Variants in RBFOX1 observed in about 807,000 individuals in gnomAD.
RBFOX1 encodes RNA binding protein fox-1 homolog 1.
A neutral mutation model predicts 57.7 loss-of-function variants in RBFOX1; 8 were observed. That is an observed-to-expected ratio of 0.14 (90% CI 0.08 to 0.25). The LOEUF (loss-of-function observed/expected upper bound fraction) is 0.25. Among genes scored for constraint, RBFOX1 ranks in the 10% least tolerant of loss-of-function variants. The pLI is 1.00. For synonymous variants in RBFOX1, 326 were observed against 222.4 expected (o/e 1.47, Z -4.15); for missense variants, 611 against 548.5 (o/e 1.11, Z -1.14).
chr16:6,229,085 T>C (rs1297660249), intron 1 of RBFOX1, among the ~76,000 whole-genome samples: 1 of 152,128 alleles, frequency 6.6e-6, no homozygotes, highest in Non-Finnish European at 1.5e-5. Flanking sequence ...GCCCATCTTA[T>C]TGAGAGACCA....
At chr16:6,836,639 C>G (rs189773254) in intron 3 of RBFOX1, among the ~76,000 whole-genome samples, 1 of 152,292 alleles carries the variant, frequency 6.6e-6, no homozygotes, top group African/African-American at 2.4e-5. Flanking sequence ...TACGGACTTT[C>G]ACCCCGCTTC....
intron 1 of RBFOX1, among the ~76,000 whole-genome samples, chr16:5,412,611 G>T (rs1011346783): frequency 6.6e-6 from 1 of 152,160 alleles, no homozygotes; most frequent in Non-Finnish European, 1.5e-5. Flanking sequence ...GAGGGAGGTG[G>T]TCAGATGCGA....
At chr16:5,563,217 G>A (rs949506747) in intron 2 of RBFOX1, among the ~76,000 whole-genome samples, 3 of 152,168 alleles carry the variant, frequency 2.0e-5, no homozygotes, top group Admixed American at 6.5e-5. Flanking sequence ...CCAAAGTGTT[G>A]GGATTACAGG....
chr16:7,200,947 A>C (rs2088226274), intron 4 of RBFOX1, among the ~76,000 whole-genome samples: 1 of 152,208 alleles, frequency 6.6e-6, no homozygotes, highest in South Asian at 2.1e-4. Context: ...TTTAAGATGG[A>C]ATATGTAGCC....
chr16:6,626,920 G>C (rs894996230), intron 2 of RBFOX1, among the ~76,000 whole-genome samples: 1 of 152,078 alleles, frequency 6.6e-6, no homozygotes, highest in Non-Finnish European at 1.5e-5. Context: ...ATACACAAAG[G>C]CCCTTTGAAT....
intron 2 of RBFOX1, among the ~76,000 whole-genome samples, chr16:6,466,345 T>C (rs996657871): frequency 5.3e-5 from 8 of 152,224 alleles, no homozygotes; most frequent in Non-Finnish European, 4.4e-5. Context: ...AAATGCTTAC[T>C]ATATTCCAGT....
chr16:6,447,410 A>G (rs896839702), intron 2 of RBFOX1, among the ~76,000 whole-genome samples: 2 of 152,202 alleles, frequency 1.3e-5, no homozygotes, highest in Non-Finnish European at 2.9e-5. Context: ...AATGGGAGTT[A>G]TATGAATTAT....
intron 3 of RBFOX1, among the ~76,000 whole-genome samples, chr16:6,819,243 G>C (rs1222492831): frequency 6.6e-6 from 1 of 152,152 alleles, no homozygotes; most frequent in Non-Finnish European, 1.5e-5. Context: ...TGGCAATCCT[G>C]CATCATTTAA....
intron 1 of RBFOX1, among the ~76,000 whole-genome samples, chr16:6,221,264 G>C (rs1396590679): frequency 6.6e-6 from 1 of 151,994 alleles, no homozygotes; most frequent in Admixed American, 6.6e-5. Context: ...ACCAGCCTTG[G>C]GTTTTATAAT....
At chr16:6,264,193 A>G (rs1053311338) in intron 1 of RBFOX1, among the ~76,000 whole-genome samples, 8 of 152,238 alleles carry the variant, frequency 5.3e-5, no homozygotes, top group African/African-American at 9.6e-5. Context: ...GTTCTCTTGG[A>G]TAATCCATCT....
At chr16:5,427,176 C>T (rs1202949258) in intron 1 of RBFOX1, among the ~76,000 whole-genome samples, 1 of 152,110 alleles carries the variant, frequency 6.6e-6, no homozygotes, top group African/African-American at 2.4e-5. Flanking sequence ...AGTGGGCTCA[C>T]CAGAGAATTA....
At chr16:5,772,761 A>G (rs1302218133) in intron 3 of RBFOX1, among the ~76,000 whole-genome samples, 1 of 152,166 alleles carries the variant, frequency 6.6e-6, no homozygotes, top group African/African-American at 2.4e-5. Context: ...TGTGGAGCTT[A>G]CATTCTGATT....
intron 2 of RBFOX1, among the ~76,000 whole-genome samples, chr16:6,462,656 C>A (rs955226173): frequency 2.0e-5 from 3 of 152,104 alleles, no homozygotes; most frequent in African/African-American, 4.8e-5. Flanking sequence ...AGTAAAAGCT[C>A]ACCAATTTTT....
intron 4 of RBFOX1, among the ~76,000 whole-genome samples, chr16:7,509,487 C>A (rs562485046): frequency 1.3e-5 from 2 of 151,230 alleles, no homozygotes; most frequent in Admixed American, 6.6e-5. Context: ...TAGATCCTTA[C>A]AATAATATGG....
At chr16:6,942,949 A>G (rs2078818682) in intron 3 of RBFOX1, among the ~76,000 whole-genome samples, 1 of 152,202 alleles carries the variant, frequency 6.6e-6, no homozygotes, top group Non-Finnish European at 1.5e-5. Context: ...CGACATCACC[A>G]TGTGCTTTTG....
chr16:7,691,252 CA>C (rs1249385512), intron 14 of RBFOX1, among the ~76,000 whole-genome samples: 1 of 151,952 alleles, frequency 6.6e-6, no homozygotes, highest in Non-Finnish European at 1.5e-5. Context: ...TAATCTAAGC[CA>C]ACTCTTTTGA....
chr16:7,599,043 C>T (rs2094867660), intron 9 of RBFOX1, among the ~76,000 whole-genome samples: 1 of 152,174 alleles, frequency 6.6e-6, no homozygotes, highest in African/African-American at 2.4e-5. Flanking sequence ...GTTGAAAGAC[C>T]AGAAGAATTA....
chr16:7,390,377 C>G (rs887648138), intron 4 of RBFOX1, among the ~76,000 whole-genome samples: 1 of 152,180 alleles, frequency 6.6e-6, no homozygotes, highest in African/African-American at 2.4e-5. Flanking sequence ...GACACCCAAA[C>G]TCATGTTCTT....
At position 7,711,221 on chromosome 16, in the gene RBFOX1, C is replaced by G. The variant is rs1182788915; in HGVS notation, c.*476C>G. 3.4e-5 allele frequency: 4 copies of G among 118,772 alleles called. No individual in the cohort carries two copies. The highest frequency in any genetic ancestry group is 9.2e-5 in the Admixed American group (1 of 10,894). The allele number at this position is 118,772 out of a possible 1,614,324, so 7.4% of individuals were successfully genotyped here. On this transcript the variant is annotated 3_prime_UTR_variant, in exon 16 of 16. Coordinates refer to ENST00000550418, the MANE Select transcript of RBFOX1 (RefSeq NM_018723.4). ...TTAGGGGATTGGAACTGGGGTTTGG[C>G]TGAAAGAAAAAAAAAAAAATGTAAC...
Sources: allele counts gnomAD v4.1 joint callset (sites outside exome capture counted in the v4.1 genomes callset), GRCh38; gene constraint gnomAD v4.1.1; transcripts MANE v1.5; gene names NCBI Gene and HGNC (gene_info 2026-07-23, HGNC 2026-07-21).